FSIP2: variants seen among roughly 807,000 people sequenced by gnomAD.
FSIP2 encodes fibrous sheath-interacting protein 2.
A neutral mutation model predicts 510.5 loss-of-function variants in FSIP2; 367 were observed. The ratio of observed to expected loss-of-function variants is 0.72; its 90% CI spans 0.66 to 0.78. The LOEUF is 0.78. FSIP2 is among the 30% of genes least tolerant of loss of function. The pLI, the probability that FSIP2 is intolerant of heterozygous loss-of-function variation, is 0.00. For missense variants in FSIP2, 7,594 were observed against 7,901.7 expected (o/e 0.96, Z 1.48); for synonymous variants, 2,601 against 2,732.2 (o/e 0.95, Z 1.50).
At chr2:185,787,449 T>C (rs1693015493) in intron 15 of FSIP2, among the ~76,000 whole-genome samples, 1 of 151,744 alleles carries the variant, frequency 6.6e-6, no homozygotes, top group Non-Finnish European at 1.5e-5. Flanking sequence ...TTCAGACTAA[T>C]TTAGGCAATA....
intron 15 of FSIP2, among the ~76,000 whole-genome samples, chr2:185,787,477 C>T (rs755787397): frequency 1.3e-5 from 2 of 151,674 alleles, no homozygotes; most frequent in African/African-American, 2.4e-5. Context: ...TGTTAGCAGC[C>T]TAGTTACAGG....
At chr2:185,751,461 C>CTCTGTGTGTGTGTGTGTG (rs368632994) in intron 7 of FSIP2, among the ~76,000 whole-genome samples, 7 of 135,782 alleles carry the variant, frequency 5.2e-5, no homozygotes, top group Non-Finnish European at 1.1e-4. Context: ...CTTTATTTTT[C>CTCTGTGTGTGTGTGTGTG]TGTGTGTGTG....
In FSIP2 at chr2:185,801,929, A is replaced by T. The variant is rs1693447535; in HGVS notation, c.12623A>T (p.Lys4208Ile). 6.6e-7 allele frequency: 1 copy of T among 1,517,056 alleles called. No individual in the cohort carries two copies. Among genetic ancestry groups the T allele is most frequent in the African/African-American group, 1.4e-5 (1 of 71,854 alleles). The allele number at this position is 1,517,056 out of a possible 1,614,324, so 94.0% of individuals were successfully genotyped here. A position where few individuals can be genotyped will look rare whatever the true frequency, so the allele number is the denominator to read the frequency against. The change falls in exon 17 of 23, where the codon AAA (lysine) becomes ATA (isoleucine). Residue 4208 changes from lysine to isoleucine, a missense_variant. Transcript: ENST00000424728. ...GATAATCAATATCTATATACTGGAA[A>T]AAACCTCCAAAAGATGGTGGATTCT... is the stretch of plus-strand genomic sequence containing the variant. ...IYDNQYLYTG[K>I]NLQKMVDSVY...
chr2:185,737,680 T>C (rs1691812049), upstream of FSIP2, among the ~76,000 whole-genome samples: 1 of 152,132 alleles, frequency 6.6e-6, no homozygotes, highest in Non-Finnish European at 1.5e-5. Context: ...AAGAAGCCTT[T>C]GTTTTTTTTT....
In FSIP2 at chr2:185,799,033, T is replaced by C. The variant is rs1254610413; in HGVS notation, c.10391-664T>C. 1.3e-5 allele frequency among the ~76,000 whole-genome samples: 2 copies of C among 151,828 alleles called. 1 individual carries two copies. The highest frequency in any genetic ancestry group is 2.9e-5 in the Non-Finnish European group (2 of 67,894). On this transcript the variant is annotated intron_variant, in intron 16 of 22. Transcript: ENST00000424728. ...GTTCTGAGGAAAAAAACTGTGTTGC[T>C]CTTGGCTGCCACACCCAGCAGTTGG...
At chr2:185,828,132 CTTT>C in intron 20 of FSIP2, 21 bp from the exon 21 acceptor site, 53 of 1,133,284 alleles carry the variant, frequency 4.7e-5, no homozygotes, top group Admixed American at 6.5e-5. Context: ...GACTATTTTA[CTTT>C]TTTTTTTTTA....
chr2:185,795,608 T>C lies in FSIP2; in HGVS notation c.8472T>C (p.Ser2824=), dbSNP rs1484651748. ...QQACFYLENV[S]SQLEHIFPRE... ...CATGTTTTTACTTGGAGAATGTTTCTTCACAGCTAGAGCACATTTTTCCTA... is the reference window on the plus strand; with the variant it reads ...CATGTTTTTACTTGGAGAATGTTTCCTCACAGCTAGAGCACATTTTTCCTA... The change falls in exon 16 of 23, where the codon TCT becomes TCC. Residue 2824 remains serine (S), a synonymous_variant. Transcript: ENST00000424728. 6.5e-7 allele frequency: 1 copy of C among 1,535,016 alleles called. No homozygotes were observed. The highest frequency in any genetic ancestry group is 2.0e-5 in the Admixed American group (1 of 50,878).
chr2:185,804,609 G>C lies in FSIP2; in HGVS notation c.15303G>C (p.Lys5101Asn). The C allele has an allele frequency of 6.5e-7, 1 of 1,533,204 alleles. No homozygotes were observed. Among genetic ancestry groups the C allele is most frequent in the Non-Finnish European group, 8.7e-7 (1 of 1,144,866 alleles). The allele number at this position is 1,533,204 out of a possible 1,614,324, so 95.0% of individuals were successfully genotyped here. ...GAAATGTGCTTAACATAATCACAAA[G>C]GATAGCCATGCCTTGCCACCATATA... The part of the protein sequence containing the change: ...IIRNVLNIIT[K>N]DSHALPPYIT... The change falls in exon 17 of 23, where the codon AAG becomes AAC. Residue 5101 changes from lysine to asparagine, a missense_variant. Physicochemically the swap from Lys to Asn is moderately conservative, Grantham distance 94. Coordinates refer to ENST00000424728, the MANE Select transcript of FSIP2 (RefSeq NM_173651.4).
rs1051161190 is a variant in FSIP2, at chr2:185,813,736, T to G, written c.20019T>G (p.Thr6673=). 1.9e-6 allele frequency: 3 copies of G among 1,612,358 alleles called. No homozygotes were observed. Among genetic ancestry groups the G allele is most frequent in the Non-Finnish European group, 2.5e-6 (3 of 1,179,362 alleles). ...AAGATGAAGTTGTTTTAACACAGAC[T>G]TTTGCAAAAGAAGAAGGCATCAAAG... ...SDEDEVVLTQ[T]FAKEEGIKVF... Residue 6673 remains threonine (T), a synonymous_variant, in exon 18 of 23, where the codon ACT becomes ACG. Coordinates refer to ENST00000424728, the MANE Select transcript of FSIP2 (RefSeq NM_173651.4).
chr2:185,802,580 A>T lies in FSIP2; in HGVS notation c.13274A>T (p.Asp4425Val). 6.5e-7 allele frequency: 1 copy of T among 1,530,666 alleles called. No homozygotes were observed. Among genetic ancestry groups the T allele is most frequent in the Non-Finnish European group, 8.7e-7 (1 of 1,144,470 alleles). 94.8% of individuals were successfully genotyped at this position (1,530,666 alleles called of 1,614,324 possible). ...CTTCTTCATCCACTGTTTTCTGGGG[A>T]TTTTTCAGCTTCTACCTATTCTAAT... ...DYLLHPLFSG[D>V]FSASTYSNSV... Residue 4425 changes from aspartate to valine, a missense_variant, in exon 17 of 23, where the codon GAT (aspartate) becomes GTT (valine). Physicochemically the swap from Asp to Val is radical, Grantham distance 152. Coordinates refer to ENST00000424728, the MANE Select transcript of FSIP2 (RefSeq NM_173651.4).
Position 185,743,016 on chromosome 2 carries a change from T to C in FSIP2, c.226-117T>C, listed in dbSNP as rs1157404069. On this transcript the variant is annotated intron_variant, in intron 2 of 22. Transcript: ENST00000424728. Reference sequence around the variant, plus strand: ...ACTCCAATTTTTCTGTGGCTGTTTTTCCCCATTTCAGATTCTTTTGGCACA... The same window carrying C: ...ACTCCAATTTTTCTGTGGCTGTTTTCCCCCATTTCAGATTCTTTTGGCACA... 5 of 763,762 alleles carry C rather than the reference T, an allele frequency of 6.5e-6. No individual in the cohort carries two copies. The East Asian group carries it at 1.2e-4, about 19-fold the overall frequency. 47.3% of individuals were successfully genotyped at this position (763,762 alleles called of 1,614,324 possible).
Position 185,795,273 on chromosome 2 carries a change from T to C in FSIP2, c.8137T>C (p.Leu2713=). Residue 2713 remains leucine, a synonymous_variant, in exon 16 of 23, where the codon TTG becomes CTG. Transcript: ENST00000424728. The part of the protein sequence containing the change: ...KDSRSKTAIG[L]SHIMSAGDAK... Reference sequence around the variant, plus strand: ...CAGCAGATCCAAGACTGCCATTGGGTTGTCACACATCATGTCAGCTGGAGA... The same window carrying C: ...CAGCAGATCCAAGACTGCCATTGGGCTGTCACACATCATGTCAGCTGGAGA... The C allele has an allele frequency of 1.3e-6, 2 of 1,535,040 alleles. No homozygotes were observed. Among genetic ancestry groups the C allele is most frequent in the East Asian group, 2.4e-5 (1 of 40,854 alleles).
intron 7 of FSIP2, among the ~76,000 whole-genome samples, chr2:185,752,038 T>C (rs1023458175): frequency 9.9e-5 from 15 of 151,146 alleles, no homozygotes; most frequent in African/African-American, 3.6e-4. Flanking sequence ...TCATTCTTTT[T>C]TTGTATACCC....
intron 7 of FSIP2, among the ~76,000 whole-genome samples, chr2:185,751,254 G>A (rs1408931226): frequency 6.6e-6 from 1 of 151,206 alleles, no homozygotes; most frequent in Non-Finnish European, 1.5e-5. Context: ...CTCAGTATTA[G>A]GTAAAAAATG....
chr2:185,796,154 G>A lies in FSIP2; in HGVS notation c.9018G>A (p.Leu3006=). 1.3e-6 allele frequency: 2 copies of A among 1,533,798 alleles called. No individual in the cohort carries two copies. Among genetic ancestry groups the A allele is most frequent in the Non-Finnish European group, 1.7e-6 (2 of 1,145,400 alleles). Residue 3006 remains leucine (L), a synonymous_variant, in exon 16 of 23, where the codon TTG becomes TTA. Coordinates refer to ENST00000424728, the MANE Select transcript of FSIP2 (RefSeq NM_173651.4). ...ACATGTTAGAGTCATTTGTGGACTT[G>A]CAGTTTAAACATATCTCCAAATATG... ...VLNMLESFVD[L]QFKHISKYEF...
At chr2:185,832,063 C>G (rs1327837920) in intron 22 of FSIP2, among the ~76,000 whole-genome samples, 181 bp downstream of exon 22, 1 of 151,816 alleles carries the variant, frequency 6.6e-6, no homozygotes, top group Non-Finnish European at 1.5e-5. Context: ...AATTATGTAG[C>G]TCTCTATCTT....
rs1559031570 is a variant in FSIP2 at position 185,800,025 on chromosome 2, T to C, written c.10719T>C (p.Ile3573=). 1 of 1,521,102 alleles carries C rather than the reference T, an allele frequency of 6.6e-7. No individual in the cohort carries two copies. Among genetic ancestry groups the C allele is most frequent in the South Asian group, 1.2e-5 (1 of 81,950 alleles). 94.2% of individuals were successfully genotyped at this position (1,521,102 alleles called of 1,614,324 possible). The change falls in exon 17 of 23, where the codon ATT becomes ATC. Residue 3573 remains isoleucine (I), a synonymous_variant. Coordinates refer to ENST00000424728, the MANE Select transcript of FSIP2 (RefSeq NM_173651.4). ...IIIKILFNNK[I]IQADIAQKMV... is the part of the protein sequence containing the mutation. ...TTAAAATTCTTTTTAATAATAAAAT[T>C]ATACAGGCTGACATTGCACAGAAAA...
chr2:185,763,128 C>T (rs1018591603), intron 11 of FSIP2, 55 bp from the exon 12 acceptor site: 1 of 784,758 alleles, frequency 1.3e-6, no homozygotes, highest in African/African-American at 1.7e-5. Context: ...TAATATTAAC[C>T]CTTGTCCCAG....
At chr2:185,831,954 T>G (rs1480968346) in intron 22 of FSIP2, 72 bp downstream of exon 22, 3 of 905,888 alleles carry the variant, frequency 3.3e-6, no homozygotes, top group South Asian at 2.7e-5. Flanking sequence ...TTAGAATTTT[T>G]TATTACTTTC....
Sources: allele counts gnomAD v4.1 joint callset (sites outside exome capture counted in the v4.1 genomes callset), GRCh38; gene constraint gnomAD v4.1.1; transcripts MANE v1.5; gene names NCBI Gene and HGNC (gene_info 2026-07-23, HGNC 2026-07-21).